The following RAD23B variants were observed in gnomAD, a reference collection of about 807,000 sequenced individuals.
The protein encoded by RAD23B is RAD23 nucleotide excision repair protein B.
A neutral mutation model predicts 49.1 loss-of-function variants in RAD23B; 5 were observed. That is an observed-to-expected ratio of 0.10 (90% CI 0.05 to 0.21). The LOEUF (loss-of-function observed/expected upper bound fraction) is 0.21. RAD23B is among the 10% of genes least tolerant of loss of function. RAD23B has a pLI of 1.00. For missense variants in RAD23B, 356 were observed against 486.7 expected (o/e 0.73, Z 2.53); for synonymous variants, 184 against 165.4 (o/e 1.11, Z -0.86).
chr9:107,289,341 C>T (rs997868689), intron 1 of RAD23B, among the ~76,000 whole-genome samples: 1 of 152,004 alleles, frequency 6.6e-6, no homozygotes, highest in Non-Finnish European at 1.5e-5. Context: ...CATGCCACCA[C>T]GCCCAGCTAA....
At chr9:107,304,527 C>G (rs1020897835) in intron 3 of RAD23B, among the ~76,000 whole-genome samples, 7 of 152,178 alleles carry the variant, frequency 4.6e-5, no homozygotes, top group African/African-American at 1.4e-4. Context: ...AGTAATGCTA[C>G]TAGTATTTTT....
intron 2 of RAD23B, 53 bp from the exon 3 acceptor site, chr9:107,301,982 G>A (rs1019756693): frequency 1.9e-6 from 3 of 1,583,156 alleles, no homozygotes; most frequent in Non-Finnish European, 8.6e-7. Context: ...TTTAACTGAA[G>A]TGTAAGAGAA....
At chr9:107,284,733 C>A (rs1046609916) in intron 1 of RAD23B, 2 of 1,123,482 alleles carry the variant, frequency 1.8e-6, no homozygotes, top group Non-Finnish European at 2.2e-6. Context: ...CTGCCCAACT[C>A]TATTTTTAAA....
intron 3 of RAD23B, among the ~76,000 whole-genome samples, chr9:107,306,085 A>ATATATGTATATATATATACACACTC (rs1554741862): frequency 8.1e-6 from 1 of 122,928 alleles, no homozygotes; most frequent in Non-Finnish European, 1.7e-5. Flanking sequence ...ATATATCTAT[A>ATATATGTATATATATATACACACTC]TATATTTCAA....
intron 5 of RAD23B, among the ~76,000 whole-genome samples, chr9:107,315,702 C>T (rs959615787): frequency 6.6e-5 from 10 of 151,644 alleles, no homozygotes; most frequent in Non-Finnish European, 5.9e-5. Context: ...TTAGTAGATA[C>T]GGGGTTTCAC....
intron 1 of RAD23B, among the ~76,000 whole-genome samples, chr9:107,293,962 T>G (rs908836051): frequency 6.6e-6 from 1 of 152,160 alleles, no homozygotes; most frequent in African/African-American, 2.4e-5. Context: ...TTAAAAAAAT[T>G]TTTTTGGAGA....
intron 1 of RAD23B, among the ~76,000 whole-genome samples, chr9:107,299,702 TA>T (rs1452984960): frequency 6.6e-6 from 1 of 152,234 alleles, no homozygotes; most frequent in Non-Finnish European, 1.5e-5. Flanking sequence ...ACATAACACT[TA>T]AAATGAATCA....
At chr9:107,289,398 C>T (rs1833340633) in intron 1 of RAD23B, among the ~76,000 whole-genome samples, 1 of 152,000 alleles carries the variant, frequency 6.6e-6, no homozygotes, top group African/African-American at 2.4e-5. Context: ...TTTATCCAGG[C>T]TGGTCTCCAA....
chr9:107,289,112 CTCCCTTCCCCCT>C (rs1368619767), intron 1 of RAD23B, among the ~76,000 whole-genome samples: 3 of 128,106 alleles, frequency 2.3e-5, no homozygotes, highest in African/African-American at 9.0e-5. Context: ...CCCTCCCTCC[CTCCCTTCCCCCT>C]TCCCTCTCCT....
chr9:107,319,130 T>TTTTC (rs1242809876), intron 6 of RAD23B, among the ~76,000 whole-genome samples: 2 of 43,040 alleles, frequency 4.6e-5, no homozygotes, highest in African/African-American at 1.1e-4. Flanking sequence ...TCTTTTTTCT[T>TTTTC]TTTTTTTTTT....
chr9:107,293,423 G>A (rs1833424129), intron 1 of RAD23B, among the ~76,000 whole-genome samples: 1 of 152,104 alleles, frequency 6.6e-6, no homozygotes, highest in Non-Finnish European at 1.5e-5. Flanking sequence ...TTATTGTGAG[G>A]CTCTTAGTAC....
At chr9:107,286,873 C>G (rs1433827655) in intron 1 of RAD23B, among the ~76,000 whole-genome samples, 1 of 151,918 alleles carries the variant, frequency 6.6e-6, no homozygotes, top group Non-Finnish European at 1.5e-5. Context: ...GAGATCGAGA[C>G]CATCCTGGTT....
chr9:107,332,142 T>G lies in RAD23B; in HGVS notation c.*2486T>G, dbSNP rs73517777. The G allele has an allele frequency of 5.5e-6, 1 of 180,848 alleles. No homozygotes were observed. The highest frequency in any genetic ancestry group is 1.4e-4 in the East Asian group (1 of 7,156). 11.2% of individuals were successfully genotyped at this position (180,848 alleles called of 1,614,324 possible). A position where few individuals can be genotyped will look rare whatever the true frequency, so the allele number is the denominator to read the frequency against. On this transcript the variant is annotated 3_prime_UTR_variant, in exon 10 of 10. Coordinates refer to ENST00000358015, the MANE Select transcript of RAD23B (RefSeq NM_002874.5). Reference sequence around the variant, plus strand: ...GTTCCAATATAATTTTTTCCTGTACTGGATGGCTAGGATTCTAGAGAATTG... The same window carrying G: ...GTTCCAATATAATTTTTTCCTGTACGGGATGGCTAGGATTCTAGAGAATTG...
chr9:107,287,962 A>G (rs1052062252), intron 1 of RAD23B, among the ~76,000 whole-genome samples: 23 of 152,182 alleles, frequency 1.5e-4, no homozygotes, highest in African/African-American at 2.4e-4. Context: ...TATTTTCAAT[A>G]TAGTCATGCT....
rs756443554 is a variant in RAD23B at position 107,321,978 on chromosome 9, T to C, written c.682-5T>C. The C allele has an allele frequency of 6.2e-7, 1 of 1,600,560 alleles. No individual in the cohort carries two copies. The highest frequency in any genetic ancestry group is 8.5e-7 in the Non-Finnish European group (1 of 1,175,304). ...ATATCTTAAAGCTTGGAAATTCTAT[T>C]ACAGGGAATCCCTGGAGATAGAGAA... On this transcript the variant is annotated splice_region_variant and splice_polypyrimidine_tract_variant and intron_variant, in intron 6 of 9. Transcript: ENST00000358015.
chr9:107,294,641 A>C (rs1000732322), intron 1 of RAD23B, among the ~76,000 whole-genome samples: 1 of 152,234 alleles, frequency 6.6e-6, no homozygotes, highest in African/African-American at 2.4e-5. Flanking sequence ...GGGATGATTT[A>C]AACAAAGTAA....
Sources: allele counts gnomAD v4.1 joint callset (sites outside exome capture counted in the v4.1 genomes callset), GRCh38; gene constraint gnomAD v4.1.1; transcripts MANE v1.5; gene names NCBI Gene and HGNC (gene_info 2026-07-23, HGNC 2026-07-21).